The following RPTOR variants were observed in gnomAD, a reference collection of about 807,000 sequenced individuals.
The protein encoded by RPTOR is regulatory associated protein of MTOR complex 1.
RPTOR carries 21 observed loss-of-function variants against 169.9 expected under a neutral mutation model. The observed-to-expected ratio is 0.12, with a 90% CI of 0.09 to 0.18. The LOEUF is 0.18. Ranked by LOEUF, RPTOR falls within the 10% of genes least tolerant of loss-of-function variation. The pLI is 1.00. For missense variants in RPTOR, 1,133 were observed against 1,855.9 expected, an observed-to-expected ratio of 0.61 and a Z score of 7.16; for synonymous variants, 732 against 753.2, an observed-to-expected ratio of 0.97 and a Z score of 0.46.
intron 11 of RPTOR, among the ~76,000 whole-genome samples, chr17:80,846,881 A>G (rs1331414452): frequency 1.3e-5 from 2 of 152,234 alleles, no homozygotes. Flanking sequence ...CAGCCAGTCC[A>G]TCATCCCCCT....
chr17:80,671,496 C>A (rs1433741388), intron 3 of RPTOR, among the ~76,000 whole-genome samples: 1 of 152,142 alleles, frequency 6.6e-6, no homozygotes, highest in Admixed American at 6.5e-5. Flanking sequence ...TAGAATACTG[C>A]AGGCACAAGT....
In RPTOR at chr17:80,960,150, G is replaced by A; in HGVS notation, c.3550G>A (p.Gly1184Ser). 2 of 1,613,646 alleles carry A rather than the reference G, an allele frequency of 1.2e-6. No individual in the cohort carries two copies. Among genetic ancestry groups the A allele is most frequent in the East Asian group, 2.2e-5 (1 of 44,882 alleles). Residue 1184 changes from glycine to serine, a missense_variant, in exon 30 of 34, where the codon GGC becomes AGC. Physicochemically the swap from Gly to Ser is moderately conservative, Grantham distance 56. Transcript: ENST00000306801. The surrounding 1 kb of genome is among the most constrained non-coding windows in gnomAD (Gnocchi z 4.8). ...TTCCCACCGCTCACTCATCGTGGCT[G>A]GCCTCGGTGACGGCTCCATCCGCGT... Reference protein sequence around the residue: ...CDSHRSLIVAGLGDGSIRVYD... With the variant: ...CDSHRSLIVASLGDGSIRVYD...
chr17:80,940,276 A>G, intron 24 of RPTOR: 2 of 436,942 alleles, frequency 4.6e-6, no homozygotes, highest in Non-Finnish European at 8.1e-6. Flanking sequence ...CTATTTACAC[A>G]GCGTTGACAC....
At chr17:80,896,345 G>C (rs74004039) in intron 20 of RPTOR, among the ~76,000 whole-genome samples, 3,679 of 39,486 alleles carry the variant, frequency 0.093, 129 homozygotes, top group African/African-American at 0.17. Flanking sequence ...CCACGGCCGC[G>C]CCGACACCCC....
intron 13 of RPTOR, among the ~76,000 whole-genome samples, chr17:80,873,638 G>A (rs1459900912): frequency 6.6e-6 from 1 of 152,194 alleles, no homozygotes; most frequent in Non-Finnish European, 1.5e-5. Context: ...GCAGGCAGAG[G>A]GAGCTCACCA....
At chr17:80,806,229 A>G (rs2067217655) in intron 7 of RPTOR, among the ~76,000 whole-genome samples, 1 of 152,196 alleles carries the variant, frequency 6.6e-6, no homozygotes, top group Non-Finnish European at 1.5e-5. Context: ...GAGCCAGTAT[A>G]TCCTCCTGGA....
intron 4 of RPTOR, among the ~76,000 whole-genome samples, chr17:80,728,669 A>G (rs564546337): frequency 4.6e-5 from 7 of 151,686 alleles, no homozygotes; most frequent in Admixed American, 4.6e-4. Context: ...ATAGATTTAT[A>G]GTATCTTTAA....
chr17:80,566,664 CA>C (rs1006918559), intron 1 of RPTOR, among the ~76,000 whole-genome samples: 15 of 146,138 alleles, frequency 1.0e-4, no homozygotes, highest in Non-Finnish European at 7.6e-5. Flanking sequence ...ACTAAAAATA[CA>C]AAAAAAAAAT....
chr17:80,787,414 ATTTG>A (rs1381437700), intron 6 of RPTOR, among the ~76,000 whole-genome samples: 1 of 151,920 alleles, frequency 6.6e-6, no homozygotes, highest in Non-Finnish European at 1.5e-5. Flanking sequence ...TTCTTCCTTT[ATTTG>A]TTTGTTTTGC....
At chr17:80,773,270 G>A (rs990074164) in intron 6 of RPTOR, among the ~76,000 whole-genome samples, 2 of 152,232 alleles carry the variant, frequency 1.3e-5, no homozygotes, top group African/African-American at 4.8e-5. Flanking sequence ...CCGAGGGACT[G>A]TGGTAGAGAC....
chr17:80,660,521 G>A (rs1488728908), intron 3 of RPTOR, among the ~76,000 whole-genome samples: 1 of 152,170 alleles, frequency 6.6e-6, no homozygotes, highest in Non-Finnish European at 1.5e-5. Context: ...GAGGAGCAGA[G>A]TTGGGGACAA....
At position 80,957,626 on chromosome 17, in the gene RPTOR, G is replaced by C; in HGVS notation, c.3373G>C (p.Ala1125Pro). 1 of 1,614,066 alleles carries C rather than the reference G, an allele frequency of 6.2e-7. No homozygotes were observed. ...CATGTCCCACTGTATCTCTCCAGGAGCTGGGATGGTGGTGGACTGGGAGCA... is the reference window on the plus strand; with the variant it reads ...CATGTCCCACTGTATCTCTCCAGGACCTGGGATGGTGGTGGACTGGGAGCA... ...LSDMLPTTRGAGMVVDWEQET... is the reference protein window; with the variant it reads ...LSDMLPTTRGPGMVVDWEQET... Residue 1125 changes from alanine to proline, a missense_variant and splice_region_variant, in exon 29 of 34, where the codon GCT (alanine) becomes CCT (proline). Ala to Pro is a conservative substitution (Grantham distance 27). Coordinates refer to ENST00000306801, the MANE Select transcript of RPTOR (RefSeq NM_020761.3). The surrounding 1 kb of genome is among the most constrained non-coding windows in gnomAD (Gnocchi z 4.6).
chr17:80,841,470 GCTCACACCACAC>G (rs2067656046), intron 10 of RPTOR, among the ~76,000 whole-genome samples: 1 of 111,546 alleles, frequency 9.0e-6, no homozygotes, highest in Non-Finnish European at 1.8e-5. Flanking sequence ...CCACACGGCA[GCTCACACCACAC>G]GGCAGCTCAC....
intron 20 of RPTOR, among the ~76,000 whole-genome samples, 156 bp from the exon 21 acceptor site, chr17:80,908,655 C>T (rs2068574214): frequency 6.6e-6 from 1 of 152,166 alleles, no homozygotes; most frequent in Non-Finnish European, 1.5e-5. Context: ...ATCTCGGGAC[C>T]CGTTGCCAGA....
Position 80,964,579 on chromosome 17 carries a change from A to G in RPTOR, c.*249A>G, listed in dbSNP as rs953629088. On this transcript the variant is annotated 3_prime_UTR_variant, in exon 34 of 34. Coordinates refer to ENST00000306801, the MANE Select transcript of RPTOR (RefSeq NM_020761.3). Reference sequence around the variant, plus strand: ...CCACTGAGCACCAGCATCCAGGTGCACCCCCGCGGCCACGGCGCCTCTGTC... The same window carrying G: ...CCACTGAGCACCAGCATCCAGGTGCGCCCCCGCGGCCACGGCGCCTCTGTC... 7.2e-6 allele frequency: 4 copies of G among 554,236 alleles called. No homozygotes were observed. The highest frequency in any genetic ancestry group is 3.8e-5 in the African/African-American group (2 of 52,724). 34.3% of individuals were successfully genotyped at this position (554,236 alleles called of 1,614,324 possible).
At chr17:80,703,470 G>A (rs534459027) in intron 3 of RPTOR, among the ~76,000 whole-genome samples, 1 of 152,268 alleles carries the variant, frequency 6.6e-6, no homozygotes, top group African/African-American at 2.4e-5. Flanking sequence ...CCTGATAAAC[G>A]TGAGCTCAGG....
intron 1 of RPTOR, among the ~76,000 whole-genome samples, chr17:80,575,505 C>T (rs536984484): frequency 3.9e-5 from 6 of 152,336 alleles, no homozygotes; most frequent in South Asian, 4.1e-4. Context: ...CCATCCACAC[C>T]GTTGCCATGT....
At chr17:80,648,201 G>A (rs2065611759) in intron 3 of RPTOR, among the ~76,000 whole-genome samples, 1 of 152,046 alleles carries the variant, frequency 6.6e-6, no homozygotes, top group South Asian at 2.1e-4. Context: ...TTTATGAGAT[G>A]CTTTGAATGA....
At position 80,918,128 on chromosome 17, in the gene RPTOR, C is replaced by T. The variant is rs144876588; in HGVS notation, c.2521-4596C>T. On this transcript the variant is annotated intron_variant, in intron 21 of 33. Coordinates refer to ENST00000306801, the MANE Select transcript of RPTOR (RefSeq NM_020761.3). ...GGCTTGAAAGCTTGTCATGCACATGCTCATTCCCCTCACTGCAGACCTGGG... is the reference window on the plus strand; with the variant it reads ...GGCTTGAAAGCTTGTCATGCACATGTTCATTCCCCTCACTGCAGACCTGGG... 9.7e-3 allele frequency among the ~76,000 whole-genome samples: 1,475 copies of T among 152,364 alleles called. 10 individuals are homozygous for T. The highest frequency in any genetic ancestry group is 0.024 in the Middle Eastern group (7 of 294).
Sources: allele counts gnomAD v4.1 joint callset (sites outside exome capture counted in the v4.1 genomes callset), GRCh38; gene constraint gnomAD v4.1.1; non-coding constraint Gnocchi (gnomAD v3.1); transcripts MANE v1.5; gene names NCBI Gene and HGNC (gene_info 2026-07-23, HGNC 2026-07-21).